GRM3: variants seen among roughly 807,000 people sequenced by gnomAD.
The protein encoded by GRM3 is metabotropic glutamate receptor 3.
Under a neutral mutation model 70.5 loss-of-function variants are expected in GRM3, and 26 were observed. The ratio of observed to expected loss-of-function variants is 0.37; its 90% CI spans 0.27 to 0.51. The LOEUF (loss-of-function observed/expected upper bound fraction) is 0.51, where lower values mean the gene tolerates loss of function less well. Ranked by LOEUF, GRM3 falls within the 20% of genes least tolerant of loss-of-function variation. The pLI is 0.93. For missense variants in GRM3, 859 were observed against 1,123.8 expected (o/e 0.76, Z 3.37); for synonymous variants, 443 against 434.9 (o/e 1.02, Z -0.23).
chr7:86,833,759 C>T (rs1218237551), intron 3 of GRM3, among the ~76,000 whole-genome samples: 1 of 152,192 alleles, frequency 6.6e-6, no homozygotes, highest in Non-Finnish European at 1.5e-5. Context: ...CATTCTAGTA[C>T]AGACAGAGCA....
chr7:86,658,928 G>T lies in GRM3; in HGVS notation c.-141+14056G>T, dbSNP rs535123050. On this transcript the variant is annotated intron_variant, in intron 1 of 5. Transcript: ENST00000361669. ...AATAGCAAGGTTATTAATAATGTTAGAAATGTGTTTTGTTATTCCTCAACC... is the reference window on the plus strand; with the variant it reads ...AATAGCAAGGTTATTAATAATGTTATAAATGTGTTTTGTTATTCCTCAACC... Among the ~76,000 whole-genome samples the T allele has an allele frequency of 4.7e-5, 7 of 149,822 alleles. No homozygotes were observed. In the East Asian group the frequency reaches 9.8e-4, roughly 21 times the overall value.
At chr7:86,739,037 G>C (rs1004497309) in intron 1 of GRM3, among the ~76,000 whole-genome samples, 3 of 152,192 alleles carry the variant, frequency 2.0e-5, no homozygotes, top group Admixed American at 6.5e-5. Context: ...GAGTGCAGTG[G>C]TGCCATCTTG....
At chr7:86,653,645 C>T (rs768931898) in intron 1 of GRM3, among the ~76,000 whole-genome samples, 84 of 151,824 alleles carry the variant, frequency 5.5e-4, no homozygotes, top group Admixed American at 2.9e-3. Context: ...TATTCTTATT[C>T]GGAGACTTCC....
chr7:86,828,244 TTAAC>T (rs1466851724), intron 3 of GRM3, among the ~76,000 whole-genome samples: 2 of 151,498 alleles, frequency 1.3e-5, no homozygotes, highest in African/African-American at 4.9e-5. Context: ...GGAATGCAAA[TTAAC>T]TACCAAAAAA....
At chr7:86,667,788 C>T (rs377149469) in intron 1 of GRM3, among the ~76,000 whole-genome samples, 1 of 152,148 alleles carries the variant, frequency 6.6e-6, no homozygotes, top group Non-Finnish European at 1.5e-5. Context: ...TTGAGAAATG[C>T]TGGCTGGTGC....
At chr7:86,662,999 A>G (rs1793932739) in intron 1 of GRM3, among the ~76,000 whole-genome samples, 1 of 152,026 alleles carries the variant, frequency 6.6e-6, no homozygotes, top group South Asian at 2.1e-4. Context: ...TGAGGCCAGT[A>G]TAAAGAAATA....
intron 1 of GRM3, among the ~76,000 whole-genome samples, chr7:86,720,631 T>C (rs1202998415): frequency 1.3e-5 from 2 of 152,092 alleles, no homozygotes; most frequent in African/African-American, 4.8e-5. Flanking sequence ...CCTATACCCT[T>C]ACTACTTATC....
At chr7:86,706,563 C>T (rs543631835) in intron 1 of GRM3, among the ~76,000 whole-genome samples, 3 of 152,006 alleles carry the variant, frequency 2.0e-5, no homozygotes, top group African/African-American at 7.2e-5. Flanking sequence ...AAACAGAGGA[C>T]ACTACAAATC....
At chr7:86,690,107 C>A (rs192972546) in intron 1 of GRM3, among the ~76,000 whole-genome samples, 23 of 152,056 alleles carry the variant, frequency 1.5e-4, no homozygotes, top group Admixed American at 1.5e-3. Context: ...AGGCAAGGGG[C>A]CTGTTTTAGA....
chr7:86,644,935 G>C, intron 1 of GRM3, 63 bp downstream of exon 1: 1 of 898,776 alleles, frequency 1.1e-6, no homozygotes, highest in East Asian at 6.2e-5. Flanking sequence ...CGGAAGCTCG[G>C]GTGCCGCGTG....
At chr7:86,793,273 T>C (rs1797467310) in intron 3 of GRM3, among the ~76,000 whole-genome samples, 1 of 152,150 alleles carries the variant, frequency 6.6e-6, no homozygotes, top group Admixed American at 6.5e-5. Context: ...GGGCAGATTT[T>C]CTGGGACACT....
At chr7:86,657,127 AG>A (rs1793766873) in intron 1 of GRM3, among the ~76,000 whole-genome samples, 1 of 152,204 alleles carries the variant, frequency 6.6e-6, no homozygotes, top group Admixed American at 6.5e-5. Flanking sequence ...TTTATATAAA[AG>A]TTTAAAAATT....
chr7:86,844,966 G>A (rs904331209), intron 4 of GRM3, among the ~76,000 whole-genome samples: 1 of 151,972 alleles, frequency 6.6e-6, no homozygotes, highest in Admixed American at 6.6e-5. Flanking sequence ...CTTGGGTTCA[G>A]GCAACCTCTG....
At chr7:86,652,681 G>T (rs557314484) in intron 1 of GRM3, among the ~76,000 whole-genome samples, 8 of 152,170 alleles carry the variant, frequency 5.3e-5, no homozygotes, top group Admixed American at 1.3e-4. Context: ...TGGAACATTT[G>T]AAGTAGGAAA....
At chr7:86,649,925 G>T (rs1158698006) in intron 1 of GRM3, among the ~76,000 whole-genome samples, 2 of 152,110 alleles carry the variant, frequency 1.3e-5, no homozygotes, top group Admixed American at 1.3e-4. Context: ...TGAAAGTGCT[G>T]CAAAAATCAA....
At chr7:86,724,760 G>A (rs1562839471) in intron 1 of GRM3, among the ~76,000 whole-genome samples, 1 of 147,834 alleles carries the variant, frequency 6.8e-6, no homozygotes, top group Non-Finnish European at 1.5e-5. Context: ...AGTGGGGAGG[G>A]TTAGATTATT....
At chr7:86,861,692 G>C (rs1431671794) in intron 5 of GRM3, among the ~76,000 whole-genome samples, 1 of 151,650 alleles carries the variant, frequency 6.6e-6, no homozygotes, top group African/African-American at 2.4e-5. Flanking sequence ...AAAGCAAAAA[G>C]AAGGAAAAAA....
rs570176487 is a variant in GRM3 at position 86,645,009 on chromosome 7, T to C, written c.-141+137T>C. ...CCAGTCCCTACAGTCCTGACTGGAG[T>C]GGGAAGGGTGGAGGGCAGAGGCGAT... On this transcript the variant is annotated intron_variant, in intron 1 of 5. Transcript: ENST00000361669. 5.6e-4 allele frequency: 212 copies of C among 381,086 alleles called. 1 individual carries two copies. The highest frequency in any genetic ancestry group is 8.3e-4 in the Non-Finnish European group (167 of 201,398). The allele number at this position is 381,086 out of a possible 1,614,324, so 23.6% of individuals were successfully genotyped here.
intron 1 of GRM3, among the ~76,000 whole-genome samples, chr7:86,753,821 T>C (rs573593151): frequency 1.3e-5 from 2 of 152,226 alleles, no homozygotes; most frequent in African/African-American, 2.4e-5. Context: ...AACAATCAAA[T>C]CTTGGGAACT....
Sources: allele counts gnomAD v4.1 joint callset (sites outside exome capture counted in the v4.1 genomes callset), GRCh38; gene constraint gnomAD v4.1.1; transcripts MANE v1.5; gene names NCBI Gene and HGNC (gene_info 2026-07-23, HGNC 2026-07-21).